Variants in ITGA2 observed in about 807,000 individuals in gnomAD.
The protein encoded by ITGA2 is integrin subunit alpha 2, also known as integrin alpha-2.
A neutral mutation model predicts 146.3 loss-of-function variants in ITGA2; 101 were observed. The observed-to-expected ratio is 0.69, with a 90% CI of 0.59 to 0.81. ITGA2 has a LOEUF of 0.81. ITGA2 is among the 40% of genes least tolerant of loss of function. ITGA2 has a pLI of 0.00. For missense variants in ITGA2, 1,281 were observed against 1,402.7 expected (o/e 0.91, Z 1.39); for synonymous variants, 477 against 487.1 (o/e 0.98, Z 0.27).
intron 1 of ITGA2, among the ~76,000 whole-genome samples, chr5:53,003,649 G>A (rs1440569691): frequency 6.6e-6 from 1 of 152,128 alleles, no homozygotes; most frequent in Admixed American, 6.5e-5. Context: ...TCACATAACT[G>A]CATCTATTCA....
At chr5:53,055,916 G>T (rs3212522) in intron 8 of ITGA2, 68 bp from the exon 9 acceptor site, 10 of 1,438,186 alleles carry the variant, frequency 7.0e-6, no homozygotes, top group Non-Finnish European at 8.7e-6. Flanking sequence ...TTCAAAATAG[G>T]CTAGAATGTA....
chr5:53,075,030 A>G, intron 21 of ITGA2, 31 bp from the exon 22 acceptor site: 1 of 1,476,920 alleles, frequency 6.8e-7, no homozygotes, highest in Non-Finnish European at 9.5e-7. Context: ...ATGAAGCATC[A>G]TAGACTGAGA....
At chr5:53,073,968 C>T (rs1745529083) in intron 20 of ITGA2, among the ~76,000 whole-genome samples, 1 of 143,636 alleles carries the variant, frequency 7.0e-6, no homozygotes, top group Non-Finnish European at 1.5e-5. Flanking sequence ...AAAAAAAAAC[C>T]CTCAAATTAC....
At chr5:52,989,622 C>A (rs953110462) in intron 1 of ITGA2, 90 bp downstream of exon 1, 69 of 1,415,988 alleles carry the variant, frequency 4.9e-5, no homozygotes, top group Non-Finnish European at 6.6e-5. Context: ...AACTAGGGAG[C>A]GAGCTCCGTG....
In ITGA2 at chr5:53,056,039, T is replaced by G. The variant is rs1744615997; in HGVS notation, c.986T>G (p.Ile329Arg). Residue 329 changes from isoleucine (I) to arginine (R), a missense_variant, in exon 9 of 30, where the codon ATA (isoleucine) becomes AGA (arginine). Physicochemically the swap from Ile to Arg is moderately conservative, Grantham distance 97. Around this residue, in one of 3 missense-constraint regions of ITGA2, gnomAD observed 795 missense variants for 841.7 expected, o/e 0.94. Transcript: ENST00000296585. ...ALDTKNLIKE[I>R]KAIASIPTER... is the part of the protein sequence containing the mutation. ...GATACTAAAAATTTAATAAAAGAAA[T>G]AAAAGCAATCGCTAGTATTCCAACA... The G allele has an allele frequency of 2.5e-6, 4 of 1,609,858 alleles. No homozygotes were observed. The African/African-American group carries it at 4.0e-5, about 16-fold the overall frequency.
At position 53,031,197 on chromosome 5, in the gene ITGA2, T is replaced by A. The variant is rs546907302; in HGVS notation, c.185+4329T>A. Among the ~76,000 whole-genome samples, 11 of 152,386 alleles carry A rather than the reference T, an allele frequency of 7.2e-5. 1 individual carries two copies. The South Asian group carries it at 2.3e-3, about 32-fold the overall frequency. On this transcript the variant is annotated intron_variant, in intron 2 of 29. Transcript: ENST00000296585. ...AGGACTGTTTAAACATTGACTTTCC[T>A]TCTGATACTAATCAAGTTAGTTTTG...
At chr5:53,087,303 T>C (rs1007894683) in intron 28 of ITGA2, among the ~76,000 whole-genome samples, 3 of 152,170 alleles carry the variant, frequency 2.0e-5, no homozygotes, top group Admixed American at 1.3e-4. Context: ...CAGTGAGAAG[T>C]ACAACAAAAG....
At chr5:53,057,738 A>T (rs1744708193) in intron 9 of ITGA2, among the ~76,000 whole-genome samples, 1 of 151,962 alleles carries the variant, frequency 6.6e-6, no homozygotes, top group Non-Finnish European at 1.5e-5. Context: ...CTTTGGTATC[A>T]AGAACGTCAT....
intron 14 of ITGA2, 62 bp from the exon 15 acceptor site, chr5:53,065,779 G>A: frequency 1.2e-6 from 2 of 1,607,432 alleles, no homozygotes; most frequent in South Asian, 1.1e-5. Flanking sequence ...GAAATTCAGA[G>A]GCTGCCATTT....
intron 18 of ITGA2, 71 bp downstream of exon 18, chr5:53,072,119 A>AAGG (rs1745428924): frequency 9.3e-7 from 1 of 1,080,068 alleles, no homozygotes; most frequent in Admixed American, 1.8e-5. Context: ...ATAGTGTCTG[A>AAGG]AGGATGGTTA....
intron 3 of ITGA2, 53 bp from the exon 4 acceptor site, chr5:53,044,948 T>G (rs1561117646): frequency 1.5e-6 from 2 of 1,324,916 alleles, no homozygotes; most frequent in East Asian, 2.3e-5. Flanking sequence ...TTAATATCTT[T>G]AAGTAAACGA....
intron 1 of ITGA2, among the ~76,000 whole-genome samples, chr5:53,002,854 A>G (rs1445517973): frequency 6.6e-6 from 1 of 152,214 alleles, no homozygotes; most frequent in African/African-American, 2.4e-5. Flanking sequence ...TTTGATGGAT[A>G]TAAAGTGGTG....
intron 6 of ITGA2, among the ~76,000 whole-genome samples, chr5:53,050,115 C>G (rs1214295999): frequency 6.6e-6 from 1 of 152,114 alleles, no homozygotes; most frequent in Admixed American, 6.5e-5. Context: ...TCATATGTAT[C>G]TCCTTATTTC....
chr5:53,058,217 C>A, intron 10 of ITGA2, 116 bp downstream of exon 10: 1 of 784,674 alleles, frequency 1.3e-6, no homozygotes, highest in Non-Finnish European at 2.3e-6. Context: ...CTTCTGATTC[C>A]TAGTCACGGT....
intron 27 of ITGA2, among the ~76,000 whole-genome samples, chr5:53,084,336 T>C (rs1368369023): frequency 6.6e-6 from 1 of 152,112 alleles, no homozygotes; most frequent in Non-Finnish European, 1.5e-5. Context: ...CCAAGGTGCT[T>C]ACAACCAAAC....
chr5:53,019,155 T>A (rs1278961556), intron 1 of ITGA2, among the ~76,000 whole-genome samples: 1 of 152,108 alleles, frequency 6.6e-6, no homozygotes, highest in African/African-American at 2.4e-5. Flanking sequence ...TTTAAAAAAA[T>A]AATTTTAAAA....
At chr5:53,090,442 T>C (rs1168634312) in intron 29 of ITGA2, 77 bp from the exon 30 acceptor site, 5 of 1,199,508 alleles carry the variant, frequency 4.2e-6, no homozygotes, top group Non-Finnish European at 6.2e-6. Flanking sequence ...TCAGAGGACG[T>C]GGGCAGCCAA....
intron 4 of ITGA2, among the ~76,000 whole-genome samples, chr5:53,048,019 A>C (rs994163811): frequency 6.6e-6 from 1 of 152,194 alleles, no homozygotes; most frequent in African/African-American, 2.4e-5. Flanking sequence ...TGAGAGACAA[A>C]AAGTGAACCT....
At chr5:53,084,060 A>C (rs915881504) in intron 27 of ITGA2, among the ~76,000 whole-genome samples, 8 of 152,102 alleles carry the variant, frequency 5.3e-5, no homozygotes, top group Admixed American at 1.3e-4. Context: ...AAACAATGTC[A>C]TTGTTTTTTT....
Sources: gnomAD v4.1 joint callset for allele counts (sites outside exome capture counted in the v4.1 genomes callset) on GRCh38, gnomAD v4.1.1 for gene constraint, gnomAD v4.1.1 regional missense constraint, MANE v1.5 for transcripts, NCBI Gene and HGNC (gene_info 2026-07-23, HGNC 2026-07-21) for gene names.